DBF4B: variants seen among roughly 807,000 people sequenced by gnomAD.
DBF4B encodes protein DBF4 homolog B.
In DBF4B, 49 loss-of-function variants were observed where a neutral mutation model predicts 53.4. That is an observed-to-expected ratio of 0.92 (90% CI 0.73 to 1.16). The LOEUF is 1.16. Ranked by LOEUF, DBF4B falls within the 50% of genes most tolerant of loss-of-function variation. The pLI, the probability that DBF4B is intolerant of heterozygous loss-of-function variation, is 0.00. For missense variants in DBF4B, 692 were observed against 775.0 expected (o/e 0.89, Z 1.27); for synonymous variants, 257 against 288.7 (o/e 0.89, Z 1.11).
rs1020477217 is a variant in DBF4B, at chr17:44,728,822, C to T, written c.226-1083C>T. Among the ~76,000 whole-genome samples the T allele has an allele frequency of 3.3e-5, 5 of 151,496 alleles. No individual in the cohort carries two copies. The East Asian group carries it at 9.7e-4, about 29-fold the overall frequency. ...CAAAAAAAAGGTAGATGTGATCAGACACGGTGGCTCACACCTGTAATCCCA... is the reference window on the plus strand; with the variant it reads ...CAAAAAAAAGGTAGATGTGATCAGATACGGTGGCTCACACCTGTAATCCCA... On this transcript the variant is annotated intron_variant, in intron 3 of 13. Coordinates refer to ENST00000315005, the MANE Select transcript of DBF4B (RefSeq NM_145663.3).
intron 2 of DBF4B, chr17:44,719,647 G>A (rs950590199): frequency 6.5e-6 from 1 of 154,390 alleles, no homozygotes; most frequent in Non-Finnish European, 1.4e-5. Flanking sequence ...GTTGAGTAGT[G>A]TTCCATTATA....
chr17:44,731,980 T>C, intron 5 of DBF4B, 198 bp from the exon 6 acceptor site: 1 of 567,234 alleles, frequency 1.8e-6, no homozygotes, highest in Non-Finnish European at 3.2e-6. Flanking sequence ...CCTCTCCCAA[T>C]GTGGCCATGT....
chr17:44,728,610 A>C (rs890919006), intron 3 of DBF4B, among the ~76,000 whole-genome samples: 2 of 150,944 alleles, frequency 1.3e-5, no homozygotes, highest in African/African-American at 4.9e-5. Context: ...CAAGGTTAAG[A>C]GATCGAGACC....
At chr17:44,739,360 G>A (rs1299812953) in intron 9 of DBF4B, among the ~76,000 whole-genome samples, 1 of 152,278 alleles carries the variant, frequency 6.6e-6, no homozygotes, top group South Asian at 2.1e-4. Flanking sequence ...ACTGAGGACA[G>A]AATTGTCTGT....
At chr17:44,746,454 A>G (rs1567674761) in intron 10 of DBF4B, among the ~76,000 whole-genome samples, 2 of 152,094 alleles carry the variant, frequency 1.3e-5, no homozygotes. Context: ...AGGTTTGAGC[A>G]CAGAGTTGGA....
At chr17:44,737,832 A>G (rs1217247898) in intron 8 of DBF4B, among the ~76,000 whole-genome samples, 1 of 152,132 alleles carries the variant, frequency 6.6e-6, no homozygotes, top group African/African-American at 2.4e-5. Flanking sequence ...TGCTAATAAG[A>G]CCACTAAACA....
In DBF4B at chr17:44,719,932, TCACCTTCCTGGTGTTTAGGCTTCCA is replaced by T. The variant is rs531603307; in HGVS notation, c.83-2940_83-2916del. The T allele has an allele frequency of 9.0e-3, 1,861 of 207,620 alleles. 39 individuals carry two copies. The highest frequency in any genetic ancestry group is 0.048 in the Admixed American group (807 of 16,648). The allele number at this position is 207,620 out of a possible 1,614,324, so 12.9% of individuals were successfully genotyped here. A position where few individuals can be genotyped will look rare whatever the true frequency, so the allele number is the denominator to read the frequency against. Reference sequence around the variant, plus strand: ...TTTCTCTTTTTCTGTGTCAAAGGTCTCACCTTCCTGGTGTTTAGGCTTCCACACCTTCTTAAAGTAAGCACCAGTA... The same window carrying T: ...TTTCTCTTTTTCTGTGTCAAAGGTCTCACCTTCTTAAAGTAAGCACCAGTA... On this transcript the variant is annotated intron_variant, in intron 2 of 13. Coordinates refer to ENST00000315005, the MANE Select transcript of DBF4B (RefSeq NM_145663.3).
Position 44,727,534 on chromosome 17 carries a change from A to C in DBF4B, c.226-2371A>C, listed in dbSNP as rs181485716. ...AGAGGCTCTTTGCTGTCAAACCCAGAAACTCAGGACTGCAGAAACTCAGTG... is the reference window on the plus strand; with the variant it reads ...AGAGGCTCTTTGCTGTCAAACCCAGCAACTCAGGACTGCAGAAACTCAGTG... On this transcript the variant is annotated intron_variant, in intron 3 of 13. Transcript: ENST00000315005. 1.6e-4 allele frequency among the ~76,000 whole-genome samples: 24 copies of C among 152,312 alleles called. No individual in the cohort carries two copies. In the East Asian group the frequency reaches 4.6e-3, roughly 29 times the overall value.
chr17:44,734,375 A>G lies in DBF4B; in HGVS notation c.630+212A>G, dbSNP rs140304723. 2.1e-3 allele frequency among the ~76,000 whole-genome samples: 319 copies of G among 152,218 alleles called. 1 individual carries two copies. Among genetic ancestry groups the G allele is most frequent in the African/African-American group, 7.3e-3 (304 of 41,536 alleles). On this transcript the variant is annotated intron_variant, in intron 7 of 13. Coordinates refer to ENST00000315005, the MANE Select transcript of DBF4B (RefSeq NM_145663.3). ...TCTCTGTGGCACTTGCAGTCCTCCC[A>G]TGGCACACACCCTGCTGAGACATCC...
chr17:44,749,910 A>G lies in DBF4B; in HGVS notation c.1190-685A>G. On this transcript the variant is annotated intron_variant, in intron 13 of 13. Transcript: ENST00000315005. This position sits in a 1 kb window ranked among gnomAD's most constrained non-coding sequence, Gnocchi z 4.4. ...CCCAGCCCCCCACGCTCCCGCACAC[A>G]GATCCTCAGGAACATATGAAGCAGA... 1.9e-6 allele frequency: 2 copies of G among 1,035,384 alleles called. No homozygotes were observed. Among genetic ancestry groups the G allele is most frequent in the Middle Eastern group, 4.9e-4 (1 of 2,060 alleles). The allele number at this position is 1,035,384 out of a possible 1,614,324, so 64.1% of individuals were successfully genotyped here.
intron 10 of DBF4B, among the ~76,000 whole-genome samples, chr17:44,742,598 C>G (rs533139127): frequency 6.6e-6 from 1 of 152,018 alleles, no homozygotes; most frequent in South Asian, 2.1e-4. Flanking sequence ...TAAACTCCAC[C>G]CCATATCTAT....
At chr17:44,714,972 T>C (rs1973204298) in intron 2 of DBF4B, among the ~76,000 whole-genome samples, 1 of 152,178 alleles carries the variant, frequency 6.6e-6, no homozygotes, top group Admixed American at 6.6e-5. Context: ...AAATCCTGTC[T>C]TTCTCTTCAG....
At position 44,748,389 on chromosome 17, in the gene DBF4B, T is replaced by A; in HGVS notation, c.1113T>A (p.Thr371=). 1 of 1,613,246 alleles carries A rather than the reference T, an allele frequency of 6.2e-7. No individual in the cohort carries two copies. ...ATTGTGACCCTCTCTGTCCTGAGAC[T>A]CTGCACCCCCATCAGCCCTCCCATC... is the stretch of plus-strand genomic sequence containing the variant. ...ASDCDPLCPE[T]LHPHQPSHPR... The change falls in exon 13 of 14, where the codon ACT becomes ACA. Residue 371 remains threonine, a synonymous_variant. Transcript: ENST00000315005.
Position 44,751,099 on chromosome 17 carries a change from G to A in DBF4B, c.1694G>A (p.Gly565Glu). 2 of 1,614,018 alleles carry A rather than the reference G, an allele frequency of 1.2e-6. No homozygotes were observed. The highest frequency in any genetic ancestry group is 1.7e-6 in the Non-Finnish European group (2 of 1,179,998). Reference sequence around the variant, plus strand: ...CGGGTGCCCTCATTGTCAACTGCAGGACCCATTCCCCGAACCTCACATCCG... The same window carrying A: ...CGGGTGCCCTCATTGTCAACTGCAGAACCCATTCCCCGAACCTCACATCCG... The part of the protein sequence containing the change: ...RVRVPSLSTA[G>E]PIPRTSHPCT... The change falls in exon 14 of 14, where the codon GGA becomes GAA. Residue 565 changes from glycine to glutamate, a missense_variant. By Grantham distance (98) the Gly-to-Glu change is moderately conservative. Transcript: ENST00000315005.
At chr17:44,710,976 ATTTTTTTTTTTT>A (rs10522434) in intron 2 of DBF4B, among the ~76,000 whole-genome samples, 39 of 98,278 alleles carry the variant, frequency 4.0e-4, no homozygotes, top group Admixed American at 1.1e-3. Flanking sequence ...TTCCAGTTTG[ATTTTTTTTTTTT>A]TTTTTTTTTT....
chr17:44,710,626 G>A (rs554467139), intron 2 of DBF4B, among the ~76,000 whole-genome samples: 1 of 149,948 alleles, frequency 6.7e-6, no homozygotes, highest in Admixed American at 6.6e-5. Flanking sequence ...GTGCAGTGGA[G>A]CAATCATGGC....
At position 44,708,734 on chromosome 17, in the gene DBF4B, G is replaced by C; in HGVS notation, c.-87G>C. ...CTGCCCTGAGATAACCAGGACTGTGGAATCGGGAAGAGCTCATGGAGCTCG... is the reference window on the plus strand; with the variant it reads ...CTGCCCTGAGATAACCAGGACTGTGCAATCGGGAAGAGCTCATGGAGCTCG... On this transcript the variant is annotated 5_prime_UTR_variant, in exon 1 of 14. Coordinates refer to ENST00000315005, the MANE Select transcript of DBF4B (RefSeq NM_145663.3). 6.7e-7 allele frequency: 1 copy of C among 1,484,450 alleles called. No homozygotes were observed. The allele number at this position is 1,484,450 out of a possible 1,614,324, so 92.0% of individuals were successfully genotyped here. A position where few individuals can be genotyped will look rare whatever the true frequency, so the allele number is the denominator to read the frequency against.
rs78131713 is a variant in DBF4B, at chr17:44,708,697, T to G, written c.-124T>G. ...AGCCGCGGCCGAAAACGCCAAGAGATTGATGCTGTAGCTGCCCTGAGATAA... is the reference window on the plus strand; with the variant it reads ...AGCCGCGGCCGAAAACGCCAAGAGAGTGATGCTGTAGCTGCCCTGAGATAA... On this transcript the variant is annotated 5_prime_UTR_variant, in exon 1 of 14. Transcript: ENST00000315005. The G allele has an allele frequency of 4.2e-3, 4,992 of 1,200,830 alleles. 127 individuals carry two copies. The African/African-American group carries it at 0.061, about 15-fold the overall frequency. 74.4% of individuals were successfully genotyped at this position (1,200,830 alleles called of 1,614,324 possible).
At chr17:44,747,319 G>A in intron 11 of DBF4B, 72 bp from the exon 12 acceptor site, 3 of 1,603,230 alleles carry the variant, frequency 1.9e-6, no homozygotes, top group Non-Finnish European at 1.7e-6. Context: ...GCATGGGCTG[G>A]GAGGTCAGCT....
Sources: gnomAD v4.1 joint callset for allele counts (sites outside exome capture counted in the v4.1 genomes callset) on GRCh38, gnomAD v4.1.1 for gene constraint, Gnocchi (gnomAD v3.1) non-coding constraint, MANE v1.5 for transcripts, NCBI Gene and HGNC (gene_info 2026-07-23, HGNC 2026-07-21) for gene names.